ABCA3: variants seen among roughly 807,000 people sequenced by gnomAD.
ABCA3 encodes the protein ATP binding cassette subfamily A member 3.
A neutral mutation model predicts 172.8 loss-of-function variants in ABCA3; 88 were observed. The observed-to-expected ratio is 0.51, with a 90% CI of 0.43 to 0.61. ABCA3 has a LOEUF of 0.61. Ranked by LOEUF, ABCA3 falls within the 20% of genes least tolerant of loss-of-function variation. The probability of loss-of-function intolerance (pLI) is 0.00; values close to 1 mark genes in which losing one functional copy is unlikely to be tolerated. For missense variants in ABCA3, 2,164 were observed against 2,301.0 expected (o/e 0.94, Z 1.22); for synonymous variants, 1,066 against 983.8 (o/e 1.08, Z -1.56).
rs779091004 is a variant in ABCA3 at position 2,308,517 on chromosome 16, G to A, written c.1218C>T (p.Cys406=). 19 of 1,614,136 alleles carry A rather than the reference G, an allele frequency of 1.2e-5. No homozygotes were observed. In the Admixed American group the frequency reaches 3.0e-4, roughly 25 times the overall value. ...TGGCGACATTAGACAGGAGGCAGGA[G>A]CAGAGCTTCTGGCTCAGAGTCATCC... is the stretch of plus-strand genomic sequence containing the variant. ...YNWMTLSQKL[C]SCLLSNVAMA... Residue 406 remains cysteine (C), a synonymous_variant, in exon 11 of 33, where the codon TGC becomes TGT. Coordinates refer to ENST00000301732, the MANE Select transcript of ABCA3 (RefSeq NM_001089.3).
chr16:2,317,013 G>A (rs962590344), intron 10 of ABCA3, among the ~76,000 whole-genome samples: 1 of 152,182 alleles, frequency 6.6e-6, no homozygotes, highest in Non-Finnish European at 1.5e-5. Context: ...GCACATGGCC[G>A]GGCTCACTGT....
intron 1 of ABCA3, among the ~76,000 whole-genome samples, chr16:2,338,973 C>G (rs1224214314): frequency 1.3e-5 from 2 of 152,042 alleles, no homozygotes; most frequent in Non-Finnish European, 2.9e-5. Context: ...CCAGGCTGGT[C>G]TCGAACTCCT....
At chr16:2,339,776 T>C (rs2093757588) in intron 1 of ABCA3, among the ~76,000 whole-genome samples, 1 of 152,254 alleles carries the variant, frequency 6.6e-6, no homozygotes, top group African/African-American at 2.4e-5. Flanking sequence ...CCTGAGGACA[T>C]GGCTTCATCT....
chr16:2,307,537 G>C (rs1034819449), intron 11 of ABCA3, among the ~76,000 whole-genome samples: 1 of 151,862 alleles, frequency 6.6e-6, no homozygotes, highest in Non-Finnish European at 1.5e-5. Flanking sequence ...CTGGGAAACA[G>C]AACGAGACTC....
At chr16:2,276,862 G>A in intron 32 of ABCA3, 57 bp from the exon 33 acceptor site, 1 of 1,606,258 alleles carries the variant, frequency 6.2e-7, no homozygotes, top group Non-Finnish European at 8.5e-7. Flanking sequence ...CTCCTCTGCG[G>A]GACCTGGGAG....
intron 8 of ABCA3, among the ~76,000 whole-genome samples, chr16:2,319,055 T>G (rs953738571): frequency 3.3e-5 from 5 of 151,980 alleles, no homozygotes; most frequent in African/African-American, 9.7e-5. Context: ...GATGAACAAC[T>G]GGGCAGCCTC....
intron 3 of ABCA3, among the ~76,000 whole-genome samples, chr16:2,327,648 CG>C (rs1417814211): frequency 6.6e-6 from 1 of 152,216 alleles, no homozygotes; most frequent in Non-Finnish European, 1.5e-5. Context: ...CCCTAAAGAC[CG>C]GCTTTTCCTG....
intron 12 of ABCA3, among the ~76,000 whole-genome samples, chr16:2,302,086 A>G (rs180763257): frequency 1.3e-4 from 20 of 152,376 alleles, no homozygotes; most frequent in Non-Finnish European, 2.5e-4. Flanking sequence ...ATTTCCCTTA[A>G]GGGATACTTT....
intron 5 of ABCA3, among the ~76,000 whole-genome samples, chr16:2,324,819 C>T (rs4786272): frequency 6.6e-6 from 1 of 152,076 alleles, no homozygotes; most frequent in African/African-American, 2.4e-5. Context: ...GGGGAGCAAA[C>T]CCACCACCCA....
intron 12 of ABCA3, 131 bp downstream of exon 12, chr16:2,303,838 G>A (rs1162937266): frequency 5.8e-6 from 6 of 1,041,060 alleles, no homozygotes; most frequent in Non-Finnish European, 8.7e-6. Flanking sequence ...CCTGTGCACA[G>A]GGCAGGGTTC....
rs767321261 is a variant in ABCA3, at chr16:2,284,824, A to C, written c.3658T>G (p.Ser1220Ala). 2.3e-5 allele frequency: 37 copies of C among 1,613,884 alleles called. No individual in the cohort carries two copies. The highest frequency in any genetic ancestry group is 3.0e-5 in the Non-Finnish European group (35 of 1,179,968). ...ACCATCAGGAAGGTGGCGATGCCTG[A>C]CAGGATGTTGAAGATGGTCAGCCTC... ...YTRLTIFNIL[S>A]GIATFLMVTI... Residue 1220 changes from serine (S) to alanine (A), a missense_variant, in exon 24 of 33, where the codon TCA (serine) becomes GCA (alanine). Ser to Ala is a moderately conservative substitution (Grantham distance 99). This residue lies in a region of ABCA3 where 795 missense variants were observed against 881.9 expected (regional missense o/e 0.90). Coordinates refer to ENST00000301732, the MANE Select transcript of ABCA3 (RefSeq NM_001089.3). The surrounding 1 kb of genome is among the most constrained non-coding windows in gnomAD (Gnocchi z 5.9).
chr16:2,297,278 A>T lies in ABCA3; in HGVS notation c.2263+51T>A. The T allele has an allele frequency of 6.3e-7, 1 of 1,590,700 alleles. No homozygotes were observed. Among genetic ancestry groups the T allele is most frequent in the Non-Finnish European group, 8.6e-7 (1 of 1,168,924 alleles). The stretch of plus-strand genomic sequence containing the variant: ...TCATGAAGGTAGCAGCCATTCCCTC[A>T]GCACGGCAGCCAGGACACCGACCCT... On this transcript the variant is annotated intron_variant, in intron 17 of 32. Coordinates refer to ENST00000301732, the MANE Select transcript of ABCA3 (RefSeq NM_001089.3). The surrounding 1 kb of genome is among the most constrained non-coding windows in gnomAD (Gnocchi z 5.6).
intron 1 of ABCA3, among the ~76,000 whole-genome samples, chr16:2,338,234 C>CT (rs138495090): frequency 2.1e-3 from 319 of 152,330 alleles, no homozygotes; most frequent in African/African-American, 7.5e-3. Context: ...CACAAACACT[C>CT]TGAGCCATTC....
At chr16:2,338,771 T>C (rs934266796) in intron 1 of ABCA3, among the ~76,000 whole-genome samples, 1 of 150,244 alleles carries the variant, frequency 6.7e-6, no homozygotes, top group African/African-American at 2.5e-5. Context: ...TTTTTTTTTT[T>C]TGAGACAGAG....
At chr16:2,336,036 T>C (rs987073879) in intron 1 of ABCA3, among the ~76,000 whole-genome samples, 1 of 152,186 alleles carries the variant, frequency 6.6e-6, no homozygotes, top group East Asian at 1.9e-4. Flanking sequence ...TTCTTTTAAA[T>C]AGACACAACG....
chr16:2,332,469 A>G, intron 1 of ABCA3: 2 of 989,980 alleles, frequency 2.0e-6, no homozygotes, highest in Admixed American at 1.9e-5. Flanking sequence ...ACTTCTGGTA[A>G]TAGGCCACCA....
At chr16:2,289,961 T>TCTCA (rs1555487807) in intron 19 of ABCA3, among the ~76,000 whole-genome samples, 2 of 138,210 alleles carry the variant, frequency 1.4e-5, no homozygotes, top group African/African-American at 5.6e-5. Context: ...GTGAATTACA[T>TCTCA]CACACACACA....
chr16:2,312,463 C>A (rs944764728), intron 10 of ABCA3, among the ~76,000 whole-genome samples: 4 of 151,368 alleles, frequency 2.6e-5, no homozygotes, highest in South Asian at 4.2e-4. Flanking sequence ...ATTTGAGAGT[C>A]GAGATTTAAT....
chr16:2,319,656 C>G lies in ABCA3; in HGVS notation c.798G>C (p.Leu266=). Residue 266 remains leucine, a synonymous_variant, in exon 8 of 33, where the codon CTG becomes CTC. Coordinates refer to ENST00000301732, the MANE Select transcript of ABCA3 (RefSeq NM_001089.3). The part of the protein sequence containing the change: ...LVAIQYQLPL[L]LLLSFTYTAL... The stretch of plus-strand genomic sequence containing the variant: ...CGGTGTAGGTGAAGCTGAGCAGCAG[C>G]AGCAGGGGCAGCTGGTACTGGATGG... 6.2e-7 allele frequency: 1 copy of G among 1,613,870 alleles called. No individual in the cohort carries two copies. Among genetic ancestry groups the G allele is most frequent in the Non-Finnish European group, 8.5e-7 (1 of 1,180,022 alleles).
Sources: gnomAD v4.1 joint callset for allele counts (sites outside exome capture counted in the v4.1 genomes callset) on GRCh38, gnomAD v4.1.1 for gene constraint, gnomAD v4.1.1 regional missense constraint, Gnocchi (gnomAD v3.1) non-coding constraint, MANE v1.5 for transcripts, NCBI Gene and HGNC (gene_info 2026-07-23, HGNC 2026-07-21) for gene names.